NSF: variants seen among roughly 807,000 people sequenced by gnomAD.
NSF encodes vesicle-fusing ATPase.
NSF carries 14 observed loss-of-function variants against 50.3 expected under a neutral mutation model. The ratio of observed to expected loss-of-function variants is 0.28; its 90% CI spans 0.18 to 0.44. The LOEUF is 0.44. Ranked by LOEUF, NSF falls within the 20% of genes least tolerant of loss-of-function variation. The probability of loss-of-function intolerance (pLI) is 1.00; values close to 1 mark genes in which losing one functional copy is unlikely to be tolerated. For synonymous variants in NSF, 109 were observed against 175.7 expected, an observed-to-expected ratio of 0.62 and a Z score of 3.00; for missense variants, 218 against 504.3, an observed-to-expected ratio of 0.43 and a Z score of 5.44.
chr17:46,731,176 A>G (rs898910485), intron 17 of NSF, among the ~76,000 whole-genome samples: 2 of 152,164 alleles, frequency 1.3e-5, no homozygotes, highest in Non-Finnish European at 2.9e-5. Flanking sequence ...AAGTAGTACC[A>G]TTACATACTA....
chr17:46,754,320 G>C (rs2059212735), intron 19 of NSF, among the ~76,000 whole-genome samples: 1 of 149,858 alleles, frequency 6.7e-6, no homozygotes, highest in African/African-American at 2.4e-5. Flanking sequence ...TTCTGGGATA[G>C]AAGAAATCTT....
chr17:46,755,247 C>A, intron 19 of NSF, 67 bp from the exon 20 acceptor site: 2 of 1,223,942 alleles, frequency 1.6e-6, no homozygotes, highest in Non-Finnish European at 1.2e-6. Context: ...ACTGCCTTCT[C>A]ATGAAGCAAG....
In NSF at chr17:46,676,276, A is replaced by G. The variant is rs1443567219; in HGVS notation, c.945+1663A>G. Among the ~76,000 whole-genome samples, 5 of 133,498 alleles carry G rather than the reference A, an allele frequency of 3.7e-5. No homozygotes were observed. In the Admixed American group the frequency reaches 3.9e-4, roughly 10 times the overall value. The allele number at this position is 133,498 out of a possible 152,430, so 87.6% of individuals were successfully genotyped here. ...AGATGGAGTTTTGCTCTTGTTGCCC[A>G]GGCTGGAGTGCAATGGCGTGATCTC... On this transcript the variant is annotated intron_variant, in intron 9 of 20. Coordinates refer to ENST00000398238, the MANE Select transcript of NSF (RefSeq NM_006178.4).
chr17:46,752,015 A>C (rs2059185908), intron 19 of NSF, among the ~76,000 whole-genome samples: 1 of 152,202 alleles, frequency 6.6e-6, no homozygotes. Context: ...GTTGCACCTC[A>C]AGTCAGTAAG....
chr17:46,635,765 A>G (rs2058179067), intron 4 of NSF, among the ~76,000 whole-genome samples: 1 of 94,292 alleles, frequency 1.1e-5, no homozygotes, highest in Non-Finnish European at 2.4e-5. Flanking sequence ...AGGGAACCTA[A>G]AGGGAAAATA....
chr17:46,748,120 T>C (rs2059149002), intron 17 of NSF, among the ~76,000 whole-genome samples: 1 of 152,170 alleles, frequency 6.6e-6, no homozygotes, highest in South Asian at 2.1e-4. Flanking sequence ...TTTATTTATT[T>C]TTTTGAGATG....
At chr17:46,728,956 G>A (rs1162234022) in intron 17 of NSF, 22 bp downstream of exon 17, 2 of 1,403,678 alleles carry the variant, frequency 1.4e-6, no homozygotes, top group East Asian at 4.6e-5. Flanking sequence ...CTACTAATAA[G>A]GAATATTTTA....
chr17:46,711,341 G>A (rs984392482), intron 14 of NSF, among the ~76,000 whole-genome samples: 1 of 152,142 alleles, frequency 6.6e-6, no homozygotes, highest in Non-Finnish European at 1.5e-5. Context: ...TTTCTTGTAG[G>A]ATTATATCTG....
intron 16 of NSF, among the ~76,000 whole-genome samples, chr17:46,727,606 G>C (rs946616555): frequency 1.3e-5 from 2 of 152,142 alleles, no homozygotes; most frequent in Non-Finnish European, 2.9e-5. Context: ...AAGCAAAGCA[G>C]GTATATCTGT....
intron 4 of NSF, 94 bp from the exon 5 acceptor site, chr17:46,637,281 AT>A (rs1321816417): frequency 1.6e-5 from 1 of 62,284 alleles, no homozygotes; most frequent in Non-Finnish European, 3.3e-5. Flanking sequence ...GAAGTAGTTT[AT>A]GATTCATTTA....
chr17:46,679,153 T>A (rs1340576752), intron 9 of NSF, among the ~76,000 whole-genome samples: 4 of 152,018 alleles, frequency 2.6e-5, no homozygotes, highest in African/African-American at 9.7e-5. Context: ...CAGATTGTGG[T>A]TACCCATGGG....
At chr17:46,736,014 G>A (rs1472065878) in intron 17 of NSF, among the ~76,000 whole-genome samples, 2 of 152,128 alleles carry the variant, frequency 1.3e-5, no homozygotes, top group Admixed American at 6.6e-5. Flanking sequence ...ACTGAAGAAC[G>A]TATAATAACT....
rs1409594456 is a variant in NSF, at chr17:46,755,353, T to C, written c.2197T>C (p.Leu733=). The stretch of plus-strand genomic sequence containing the variant: ...CCGTGTGAGAAAATTCTTGGCCCTC[T>C]TAAGAGAAGAAGGAGCGTAAGTACA... ...EYRVRKFLAL[L]REEGASPLDF... Residue 733 remains leucine (L), a synonymous_variant, in exon 20 of 21, where the codon TTA becomes CTA. Transcript: ENST00000398238. The C allele has an allele frequency of 1.2e-6, 2 of 1,613,570 alleles. No individual in the cohort carries two copies. The highest frequency in any genetic ancestry group is 1.3e-5 in the African/African-American group (1 of 74,948).
chr17:46,710,694 C>T (rs1332636671), intron 13 of NSF, among the ~76,000 whole-genome samples: 1 of 152,136 alleles, frequency 6.6e-6, no homozygotes, highest in African/African-American at 2.4e-5. Context: ...TATTCTTTCT[C>T]TCAGGAATTA....
chr17:46,708,031 C>CAA (rs35548565), intron 13 of NSF, among the ~76,000 whole-genome samples: 17 of 85,540 alleles, frequency 2.0e-4, no homozygotes, highest in African/African-American at 4.5e-4. Flanking sequence ...GACCCTGTCT[C>CAA]AAAAAAAAAA....
intron 10 of NSF, among the ~76,000 whole-genome samples, chr17:46,693,450 C>G (rs1014171000): frequency 7.3e-5 from 11 of 151,566 alleles, no homozygotes; most frequent in Non-Finnish European, 1.5e-4. Flanking sequence ...GATCCTACAT[C>G]ACTATTATAA....
At chr17:46,721,955 G>T (rs968751372) in intron 15 of NSF, 22 of 1,603,036 alleles carry the variant, frequency 1.4e-5, no homozygotes, top group African/African-American at 4.0e-5. Context: ...TTTCTGGAAA[G>T]ATTTCAGTTG....
At position 46,710,943 on chromosome 17, in the gene NSF, A is replaced by G; in HGVS notation, c.1471-20A>G. 6.4e-7 allele frequency: 1 copy of G among 1,569,398 alleles called. No homozygotes were observed. Among genetic ancestry groups the G allele is most frequent in the South Asian group, 1.2e-5 (1 of 82,594 alleles). The stretch of plus-strand genomic sequence containing the variant: ...TTAACACTAAGGCTCAAAATGCTTT[A>G]GACTCCTTTTTCTTAATAGGCCTTT... On this transcript the variant is annotated intron_variant, in intron 13 of 20. Transcript: ENST00000398238.
At chr17:46,747,087 C>T (rs1191216042) in intron 17 of NSF, among the ~76,000 whole-genome samples, 1 of 152,136 alleles carries the variant, frequency 6.6e-6, no homozygotes, top group Non-Finnish European at 1.5e-5. Flanking sequence ...CAGGTCTTAC[C>T]TGATCATCCT....
Sources: allele counts gnomAD v4.1 joint callset (sites outside exome capture counted in the v4.1 genomes callset), GRCh38; gene constraint gnomAD v4.1.1; transcripts MANE v1.5; gene names NCBI Gene and HGNC (gene_info 2026-07-23, HGNC 2026-07-21).